Variants in PALM2AKAP2 observed in about 807,000 individuals in gnomAD.
PALM2AKAP2 encodes the protein PALM2-AKAP2 fusion protein.
Under a neutral mutation model 71.5 loss-of-function variants are expected in PALM2AKAP2, and 37 were observed. That is an observed-to-expected ratio of 0.52 (90% CI 0.40 to 0.68). The LOEUF is 0.68. PALM2AKAP2 is among the 30% of genes least tolerant of loss of function. PALM2AKAP2 has a pLI of 0.00. For synonymous variants in PALM2AKAP2, 468 were observed against 478.8 expected, an observed-to-expected ratio of 0.98 and a Z score of 0.29; for missense variants, 1,224 against 1,191.8, an observed-to-expected ratio of 1.03 and a Z score of -0.40.
chr9:109,652,549 T>G (rs1392789243), intron 1 of PALM2AKAP2, among the ~76,000 whole-genome samples: 1 of 152,222 alleles, frequency 6.6e-6, no homozygotes, highest in African/African-American at 2.4e-5. Context: ...TAGTCTCCAG[T>G]ATTTCTTTAT....
At chr9:110,133,170 A>C (rs756543409) in intron 1 of PALM2AKAP2, among the ~76,000 whole-genome samples, 2 of 152,250 alleles carry the variant, frequency 1.3e-5, no homozygotes, top group African/African-American at 4.8e-5. Context: ...TCATCTGCTC[A>C]TTCATCATCG....
intron 7 of PALM2AKAP2, among the ~76,000 whole-genome samples, chr9:110,042,155 G>A (rs538976996): frequency 5.9e-5 from 9 of 152,284 alleles, no homozygotes; most frequent in South Asian, 4.1e-4. Flanking sequence ...GGCCGGATGC[G>A]GTGGCTCAGG....
intron 1 of PALM2AKAP2, among the ~76,000 whole-genome samples, chr9:109,679,737 A>G (rs1166284893): frequency 6.6e-6 from 1 of 152,180 alleles, no homozygotes; most frequent in South Asian, 2.1e-4. Context: ...CTAAAAAACA[A>G]AAACAAAAAA....
chr9:109,764,071 A>C (rs1829105281), intron 1 of PALM2AKAP2, among the ~76,000 whole-genome samples: 1 of 152,142 alleles, frequency 6.6e-6, no homozygotes, highest in South Asian at 2.1e-4. Context: ...CAGTCATCAT[A>C]GTTATTACTT....
chr9:109,738,101 C>T (rs775259015), intron 1 of PALM2AKAP2, among the ~76,000 whole-genome samples: 1 of 152,230 alleles, frequency 6.6e-6, no homozygotes, highest in Non-Finnish European at 1.5e-5. Flanking sequence ...ATTTACTGAG[C>T]ACCAACTATA....
At chr9:110,112,084 A>G (rs778088287) in intron 1 of PALM2AKAP2, among the ~76,000 whole-genome samples, 3 of 152,016 alleles carry the variant, frequency 2.0e-5, no homozygotes, top group Non-Finnish European at 2.9e-5. Context: ...TATCTAGAGA[A>G]TTCCAACCAC....
intron 1 of PALM2AKAP2, among the ~76,000 whole-genome samples, chr9:109,746,439 G>A (rs1346310027): frequency 6.6e-6 from 1 of 152,128 alleles, no homozygotes; most frequent in African/African-American, 2.4e-5. Context: ...TGGAAGAAAT[G>A]GTGCAAAATG....
chr9:109,839,220 G>C (rs1434399727), intron 1 of PALM2AKAP2, among the ~76,000 whole-genome samples: 2 of 152,166 alleles, frequency 1.3e-5, no homozygotes, highest in Non-Finnish European at 2.9e-5. Context: ...GGGATTCAAG[G>C]CTGGTTCAAC....
chr9:109,957,538 TTTCTC>T (rs1371345629), intron 6 of PALM2AKAP2, among the ~76,000 whole-genome samples: 1 of 152,124 alleles, frequency 6.6e-6, no homozygotes, highest in Non-Finnish European at 1.5e-5. Context: ...CAGCTTCACT[TTTCTC>T]TTCTCTCTTC....
chr9:110,029,224 T>C (rs1833236552), intron 7 of PALM2AKAP2, among the ~76,000 whole-genome samples: 1 of 152,220 alleles, frequency 6.6e-6, no homozygotes, highest in East Asian at 1.9e-4. Flanking sequence ...AAAAACCCTT[T>C]ACCTCAATCT....
intron 6 of PALM2AKAP2, among the ~76,000 whole-genome samples, chr9:110,015,037 G>A (rs963123149): frequency 6.6e-6 from 1 of 151,710 alleles, no homozygotes; most frequent in African/African-American, 2.4e-5. Context: ...AAAATCTTGT[G>A]TCTTGCCGGA....
At chr9:109,674,804 A>G (rs933710632) in intron 1 of PALM2AKAP2, among the ~76,000 whole-genome samples, 2 of 152,104 alleles carry the variant, frequency 1.3e-5, no homozygotes, top group Admixed American at 1.3e-4. Flanking sequence ...AATAAATATT[A>G]CCTGAATAGA....
At chr9:109,755,768 A>ATATT (rs1178040862) in intron 1 of PALM2AKAP2, among the ~76,000 whole-genome samples, 42 of 152,134 alleles carry the variant, frequency 2.8e-4, no homozygotes, top group East Asian at 1.5e-3. Flanking sequence ...GTAACATTAA[A>ATATT]TATTTATTTA....
intron 1 of PALM2AKAP2, among the ~76,000 whole-genome samples, chr9:110,083,813 A>G (rs2118720881): frequency 6.6e-6 from 1 of 152,358 alleles, no homozygotes; most frequent in African/African-American, 2.4e-5. Flanking sequence ...TAAAACTAGA[A>G]TTGTATATTC....
intron 6 of PALM2AKAP2, among the ~76,000 whole-genome samples, chr9:110,000,673 T>G (rs1474518818): frequency 3.3e-5 from 5 of 152,220 alleles, no homozygotes; most frequent in Non-Finnish European, 5.9e-5. Flanking sequence ...CTCCAGCACC[T>G]GTTGTTTCCT....
intron 1 of PALM2AKAP2, among the ~76,000 whole-genome samples, chr9:110,082,523 A>C (rs145935161): frequency 5.3e-5 from 8 of 152,356 alleles, no homozygotes; most frequent in African/African-American, 1.9e-4. Flanking sequence ...CGTACAATAA[A>C]GTTTAGAACT....
At chr9:109,793,289 C>G (rs1219943536) in intron 1 of PALM2AKAP2, among the ~76,000 whole-genome samples, 2 of 152,230 alleles carry the variant, frequency 1.3e-5, no homozygotes, top group African/African-American at 4.8e-5. Flanking sequence ...CCTCCTCTAC[C>G]CTTTTTCTCT....
At chr9:109,640,962 A>G in intron 1 of PALM2AKAP2, 1 of 1,408,700 alleles carries the variant, frequency 7.1e-7, no homozygotes. Flanking sequence ...GTCCGCGTCC[A>G]GGATGGGTGT....
intron 1 of PALM2AKAP2, among the ~76,000 whole-genome samples, chr9:109,849,336 C>T (rs1828945534): frequency 6.6e-6 from 1 of 152,182 alleles, no homozygotes; most frequent in African/African-American, 2.4e-5. Flanking sequence ...GCATAAGGCA[C>T]CCAGCTGGTG....
Sources: gnomAD v4.1 joint callset for allele counts (sites outside exome capture counted in the v4.1 genomes callset) on GRCh38, gnomAD v4.1.1 for gene constraint, MANE v1.5 for transcripts, NCBI Gene and HGNC (gene_info 2026-07-23, HGNC 2026-07-21) for gene names.